The following PTPRN2 variants were observed in gnomAD, a reference collection of about 807,000 sequenced individuals.
The protein encoded by PTPRN2 is receptor-type tyrosine-protein phosphatase N2.
In PTPRN2, 74 loss-of-function variants were observed where a neutral mutation model predicts 118.8. The observed-to-expected ratio is 0.62, with a 90% CI of 0.52 to 0.76. PTPRN2 has a LOEUF of 0.76. Among genes scored for constraint, PTPRN2 ranks in the 30% least tolerant of loss-of-function variants. The pLI is 0.00. For missense variants in PTPRN2, 1,481 were observed against 1,394.4 expected (o/e 1.06, Z -0.99); for synonymous variants, 641 against 608.0 (o/e 1.05, Z -0.80).
At chr7:157,939,174 C>G (rs1366416599) in intron 11 of PTPRN2, among the ~76,000 whole-genome samples, 1 of 152,176 alleles carries the variant, frequency 6.6e-6, no homozygotes, top group Non-Finnish European at 1.5e-5. Flanking sequence ...TTCCAGCACG[C>G]AAATTCTGAA....
intron 2 of PTPRN2, among the ~76,000 whole-genome samples, chr7:158,430,570 T>A (rs1375977748): frequency 6.6e-6 from 1 of 152,216 alleles, no homozygotes; most frequent in Non-Finnish European, 1.5e-5. Context: ...TGGGAGTGCA[T>A]TGCTTCTTGT....
At chr7:157,890,747 C>T (rs191248250) in intron 12 of PTPRN2, among the ~76,000 whole-genome samples, 1 of 152,364 alleles carries the variant, frequency 6.6e-6, no homozygotes, top group Non-Finnish European at 1.5e-5. Flanking sequence ...CCCCCAGCAC[C>T]ACAGGGCCTC....
chr7:158,004,224 G>C (rs566110062), intron 11 of PTPRN2, among the ~76,000 whole-genome samples: 3 of 152,042 alleles, frequency 2.0e-5, no homozygotes, highest in African/African-American at 7.2e-5. Flanking sequence ...AGGGTCTAGG[G>C]GCCATCCTAG....
At chr7:157,865,761 T>G (rs142923559) in intron 12 of PTPRN2, 5 of 152,184 alleles carry the variant, frequency 3.3e-5, no homozygotes, top group African/African-American at 9.7e-5. Context: ...GCCAGGTGAA[T>G]GGGCCCTCCT....
chr7:157,878,674 TGGAA>T (rs1795934660), intron 12 of PTPRN2, among the ~76,000 whole-genome samples: 1 of 134,658 alleles, frequency 7.4e-6, no homozygotes, highest in Non-Finnish European at 1.6e-5. Flanking sequence ...TCCATGGGGC[TGGAA>T]GGGTCAGTGT....
Position 158,081,368 on chromosome 7 carries a change from T to C in PTPRN2, c.1653A>G (p.Gly551=). The C allele has an allele frequency of 1.2e-6, 2 of 1,614,140 alleles. No homozygotes were observed. Among genetic ancestry groups the C allele is most frequent in the Non-Finnish European group, 1.7e-6 (2 of 1,179,988 alleles). The change falls in exon 11 of 23, where the codon GGA becomes GGG. Residue 551 remains glycine, a synonymous_variant. Coordinates refer to ENST00000389418, the MANE Select transcript of PTPRN2 (RefSeq NM_002847.5). Reference sequence around the variant, plus strand: ...CGCTCACTTTGAAGGTCACTGCTGGTCCGAGAACCCTGGAAGGGATAATTT... The same window carrying C: ...CGCTCACTTTGAAGGTCACTGCTGGCCCGAGAACCCTGGAAGGGATAATTT... ...SSAFADVEVL[G]PAVTFKVSAN... is the part of the protein sequence containing the mutation.
At chr7:157,825,165 G>A (rs529575490) in intron 12 of PTPRN2, among the ~76,000 whole-genome samples, 2 of 152,284 alleles carry the variant, frequency 1.3e-5, no homozygotes, top group African/African-American at 2.4e-5. Flanking sequence ...CTGGACATGC[G>A]ACTCGGTTCT....
At chr7:158,353,594 G>C (rs1444481559) in intron 2 of PTPRN2, among the ~76,000 whole-genome samples, 1 of 152,150 alleles carries the variant, frequency 6.6e-6, no homozygotes, top group Non-Finnish European at 1.5e-5. Context: ...ATGCAGTGCT[G>C]AGATGCTGAG....
intron 9 of PTPRN2, among the ~76,000 whole-genome samples, chr7:158,129,423 C>T (rs1189236797): frequency 6.6e-6 from 1 of 151,616 alleles, no homozygotes; most frequent in African/African-American, 2.4e-5. Flanking sequence ...ACACATACCA[C>T]ACCATGCAGC....
chr7:158,042,578 C>T (rs970220596), intron 11 of PTPRN2, among the ~76,000 whole-genome samples: 5 of 152,216 alleles, frequency 3.3e-5, no homozygotes, highest in Non-Finnish European at 5.9e-5. Context: ...CGCAGTATCC[C>T]GTCACGGCTG....
At chr7:158,495,067 C>T (rs905694932) in intron 1 of PTPRN2, among the ~76,000 whole-genome samples, 8 of 152,076 alleles carry the variant, frequency 5.3e-5, no homozygotes, top group Admixed American at 5.2e-4. Flanking sequence ...ACCCCAGGAA[C>T]CCCAGTCCCT....
chr7:158,055,645 T>C (rs1324096989), intron 11 of PTPRN2, among the ~76,000 whole-genome samples: 2 of 152,164 alleles, frequency 1.3e-5, no homozygotes, highest in African/African-American at 4.8e-5. Context: ...GCAGAAATAA[T>C]GGCGTAAGCT....
chr7:158,234,003 G>A (rs1015108529), intron 3 of PTPRN2, among the ~76,000 whole-genome samples: 18 of 152,068 alleles, frequency 1.2e-4, no homozygotes, highest in African/African-American at 3.9e-4. Flanking sequence ...TATAAGACCC[G>A]AAACTATGAA....
chr7:158,263,563 C>T (rs1797678897), intron 3 of PTPRN2, among the ~76,000 whole-genome samples: 1 of 152,242 alleles, frequency 6.6e-6, no homozygotes, highest in Non-Finnish European at 1.5e-5. Context: ...CTTTGCCCCA[C>T]CGTTGTTTGT....
intron 12 of PTPRN2, among the ~76,000 whole-genome samples, chr7:157,701,610 C>G (rs556322740): frequency 3.2e-3 from 484 of 152,346 alleles, no homozygotes; most frequent in Non-Finnish European, 5.9e-3. Flanking sequence ...TGCCCCCAGA[C>G]CCTTCCTACC....
intron 11 of PTPRN2, among the ~76,000 whole-genome samples, chr7:157,940,941 A>C (rs1416465218): frequency 6.3e-4 from 8 of 12,638 alleles, no homozygotes; most frequent in Non-Finnish European, 9.0e-4. Context: ...CACCCTCCCC[A>C]CCACGACACT....
At chr7:158,190,699 A>C (rs1019831570) in intron 5 of PTPRN2, among the ~76,000 whole-genome samples, 1 of 152,204 alleles carries the variant, frequency 6.6e-6, no homozygotes, top group African/African-American at 2.4e-5. Context: ...AAAAACACAA[A>C]TATGGCCCAG....
chr7:157,720,965 G>A (rs2150913400), intron 12 of PTPRN2, among the ~76,000 whole-genome samples: 1 of 152,342 alleles, frequency 6.6e-6, no homozygotes, highest in Non-Finnish European at 1.5e-5. Context: ...TCTGACAGAG[G>A]CCCCATGTTG....
intron 11 of PTPRN2, among the ~76,000 whole-genome samples, chr7:158,060,550 C>A (rs909719722): frequency 1.3e-5 from 2 of 152,230 alleles, no homozygotes; most frequent in African/African-American, 2.4e-5. Flanking sequence ...TTGGGACCCA[C>A]CCTCATGGAG....
Sources: gnomAD v4.1 joint callset for allele counts (sites outside exome capture counted in the v4.1 genomes callset) on GRCh38, gnomAD v4.1.1 for gene constraint, MANE v1.5 for transcripts, NCBI Gene and HGNC (gene_info 2026-07-23, HGNC 2026-07-21) for gene names.